Variants in RBFOX3 observed in about 807,000 individuals in gnomAD.
RBFOX3 encodes RNA binding protein fox-1 homolog 3.
In RBFOX3, 17 loss-of-function variants were observed where a neutral mutation model predicts 48.7. The ratio of observed to expected loss-of-function variants is 0.35; its 90% confidence interval spans 0.24 to 0.52. RBFOX3 has a LOEUF of 0.52. Among genes scored for constraint, RBFOX3 ranks in the 20% least tolerant of loss-of-function variants. The probability of loss-of-function intolerance (pLI) is 0.94; values close to 1 mark genes in which losing one functional copy is unlikely to be tolerated. For synonymous variants in RBFOX3, 212 were observed against 209.5 expected (o/e 1.01, Z -0.10); for missense variants, 382 against 497.5 (o/e 0.77, Z 2.21).
chr17:79,408,137 G>A (rs1045616415), intron 2 of RBFOX3, among the ~76,000 whole-genome samples: 2 of 152,148 alleles, frequency 1.3e-5, no homozygotes, highest in African/African-American at 4.8e-5. Context: ...GGGGGGAGAA[G>A]GAGCACTCGC....
chr17:79,388,121 T>C (rs911501256), intron 2 of RBFOX3, among the ~76,000 whole-genome samples: 1 of 152,058 alleles, frequency 6.6e-6, no homozygotes, highest in Non-Finnish European at 1.5e-5. Context: ...TGTGCATGTG[T>C]GGTTGTGCAT....
rs1885584090 is a variant in RBFOX3, at chr17:79,479,577, C to T, written c.-175+2877G>A. 6.6e-6 allele frequency among the ~76,000 whole-genome samples: 1 copy of T among 152,372 alleles called. No homozygotes were observed. The highest frequency in any genetic ancestry group is 1.5e-5 in the Non-Finnish European group (1 of 68,042). On this transcript the variant is annotated intron_variant, in intron 2 of 14. Transcript: ENST00000693108. The surrounding 1 kb of genome is among the most constrained non-coding windows in gnomAD (Gnocchi z 5.1). ...CCTTTGGAATCAACAAGGGGCTGGA[C>T]AGTGAACACACCGAGGGAAGCAGCT...
At chr17:79,122,765 A>G (rs1261010300) in intron 4 of RBFOX3, among the ~76,000 whole-genome samples, 1 of 152,240 alleles carries the variant, frequency 6.6e-6, no homozygotes, top group Non-Finnish European at 1.5e-5. Flanking sequence ...TGTTTATTGC[A>G]GCACTGTTTA....
intron 2 of RBFOX3, among the ~76,000 whole-genome samples, chr17:79,387,610 G>A (rs2060738136): frequency 6.6e-6 from 1 of 152,220 alleles, no homozygotes; most frequent in South Asian, 2.1e-4. Flanking sequence ...TACAAATGAG[G>A]GGCCATGAGC....
intron 3 of RBFOX3, among the ~76,000 whole-genome samples, chr17:79,285,978 C>T (rs1178567380): frequency 2.0e-5 from 3 of 152,202 alleles, no homozygotes; most frequent in African/African-American, 4.8e-5. Context: ...CCACTGCACC[C>T]GGCCTGTGCA....
chr17:79,239,322 C>G (rs746756529), intron 3 of RBFOX3, among the ~76,000 whole-genome samples: 21 of 152,258 alleles, frequency 1.4e-4, no homozygotes, highest in Non-Finnish European at 2.8e-4. Context: ...TCATGAAACA[C>G]GGAGCTGATT....
intron 4 of RBFOX3, among the ~76,000 whole-genome samples, chr17:79,149,265 G>C (rs1038331923): frequency 1.3e-5 from 2 of 152,210 alleles, no homozygotes; most frequent in South Asian, 2.1e-4. Context: ...GGGCTTAGTA[G>C]AGCGTGGGAG....
chr17:79,356,671 T>C (rs1483942240), intron 2 of RBFOX3, among the ~76,000 whole-genome samples: 1 of 147,042 alleles, frequency 6.8e-6, no homozygotes, highest in Non-Finnish European at 1.5e-5. Context: ...GCCCAGCCAG[T>C]TTTGATTTTT....
chr17:79,356,368 T>TTTGTTTTTG (rs1568101079), intron 2 of RBFOX3, among the ~76,000 whole-genome samples: 1 of 97,738 alleles, frequency 1.0e-5, no homozygotes, highest in Non-Finnish European at 2.2e-5. Flanking sequence ...TTTTTTTTTT[T>TTTGTTTTTG]TTTTTTTTTT....
At chr17:79,525,347 A>G (rs2086658676) in intron 1 of RBFOX3, among the ~76,000 whole-genome samples, 1 of 152,194 alleles carries the variant, frequency 6.6e-6, no homozygotes, top group African/African-American at 2.4e-5. Context: ...CAGGCACATC[A>G]TGGGGCAAGA....
At chr17:79,496,733 C>A (rs1477219366) in intron 1 of RBFOX3, among the ~76,000 whole-genome samples, 1 of 152,160 alleles carries the variant, frequency 6.6e-6, no homozygotes, top group Non-Finnish European at 1.5e-5. Flanking sequence ...GCCCTTACCC[C>A]ACCCTTTCCT....
chr17:79,196,564 T>G (rs2055627794), intron 4 of RBFOX3, among the ~76,000 whole-genome samples: 2 of 152,124 alleles, frequency 1.3e-5, no homozygotes, highest in Admixed American at 6.5e-5. Flanking sequence ...ACTTATTGAG[T>G]TTCCCCAAGT....
At chr17:79,612,855 A>T (rs922813999), upstream of RBFOX3, among the ~76,000 whole-genome samples, 75 of 152,310 alleles carry the variant, frequency 4.9e-4, no homozygotes, top group African/African-American at 1.6e-3. Context: ...CCCTGCAGGC[A>T]GGGCTCTTGC....
chr17:79,442,202 G>A (rs1198746418), intron 2 of RBFOX3, among the ~76,000 whole-genome samples: 2 of 139,330 alleles, frequency 1.4e-5, no homozygotes, highest in African/African-American at 5.4e-5. Flanking sequence ...GAAGAGAGAG[G>A]AGGAGGGAGG....
chr17:79,502,837 G>T (rs1442316737), intron 1 of RBFOX3, among the ~76,000 whole-genome samples: 1 of 152,200 alleles, frequency 6.6e-6, no homozygotes, highest in Non-Finnish European at 1.5e-5. Context: ...CGGGGTTCCA[G>T]CAGGCTTGCA....
intron 1 of RBFOX3, among the ~76,000 whole-genome samples, chr17:79,604,711 G>C (rs2093787270): frequency 1.3e-5 from 2 of 152,284 alleles, no homozygotes; most frequent in South Asian, 4.2e-4. Context: ...AAGGTACCAG[G>C]GTGTTTGTAC....
intron 1 of RBFOX3, among the ~76,000 whole-genome samples, chr17:79,525,750 C>A (rs991950385): frequency 1.3e-5 from 2 of 152,156 alleles, no homozygotes. Flanking sequence ...AAAGTTGTTT[C>A]CTTGTTTGAG....
chr17:79,445,863 G>A lies in RBFOX3; in HGVS notation c.-175+36591C>T, dbSNP rs1211039208. On this transcript the variant is annotated intron_variant, in intron 2 of 14. Transcript: ENST00000693108. ...TTTGCAGAGGGCAGGGGCTCTCTGA[G>A]TCTGACTGGTGGACCTAGGGCAGGG... 3.3e-5 allele frequency among the ~76,000 whole-genome samples: 5 copies of A among 152,216 alleles called. No individual in the cohort carries two copies. The East Asian group carries it at 7.7e-4, about 24-fold the overall frequency.
chr17:79,647,387 A>G, the RBFOX3 span, among the ~76,000 whole-genome samples: 4 of 152,310 alleles, frequency 2.6e-5, no homozygotes, highest in East Asian at 7.7e-4. Flanking sequence ...GTCTCTGCAC[A>G]GGAAAGCAGC....
Sources: allele counts gnomAD v4.1 joint callset (sites outside exome capture counted in the v4.1 genomes callset), GRCh38; gene constraint gnomAD v4.1.1; non-coding constraint Gnocchi (gnomAD v3.1); transcripts MANE v1.5; gene names NCBI Gene and HGNC (gene_info 2026-07-23, HGNC 2026-07-21).